Variants in ANKRD31 observed in about 807,000 individuals in gnomAD.
ANKRD31 encodes the protein ankyrin repeat domain 31, also known as ankyrin repeat domain-containing protein 31.
In ANKRD31, 147 loss-of-function variants were observed where a neutral mutation model predicts 186.0. The ratio of observed to expected loss-of-function variants is 0.79; its 90% CI spans 0.69 to 0.91. ANKRD31 has a LOEUF of 0.91. Among genes scored for constraint, ANKRD31 ranks in the 40% least tolerant of loss-of-function variants. The pLI is 0.00. For synonymous variants in ANKRD31, 673 were observed against 736.4 expected (o/e 0.91, Z 1.39); for missense variants, 1,986 against 2,148.8 (o/e 0.92, Z 1.50).
At chr5:75,092,695 G>A (rs1161936569) in intron 22 of ANKRD31, among the ~76,000 whole-genome samples, 1 of 151,938 alleles carries the variant, frequency 6.6e-6, no homozygotes, top group Admixed American at 6.6e-5. Flanking sequence ...AAAGTTATGA[G>A]ACATACAAAG....
At chr5:75,130,081 G>A in intron 17 of ANKRD31, among the ~76,000 whole-genome samples, 1 of 152,082 alleles carries the variant, frequency 6.6e-6, no homozygotes, top group Admixed American at 6.6e-5. Flanking sequence ...CTGATGTTCG[G>A]ACGTGTCCAG....
chr5:75,118,734 A>G (rs1237587483), intron 17 of ANKRD31, among the ~76,000 whole-genome samples: 1 of 152,204 alleles, frequency 6.6e-6, no homozygotes, highest in Non-Finnish European at 1.5e-5. Flanking sequence ...TTTAAATAGC[A>G]AAAGTACCTA....
chr5:75,135,767 TACA>T (rs1447450057), intron 17 of ANKRD31, among the ~76,000 whole-genome samples: 1 of 152,028 alleles, frequency 6.6e-6, no homozygotes, highest in Non-Finnish European at 1.5e-5. Flanking sequence ...CTTCAAACTA[TACA>T]ACAAGGCTAC....
chr5:75,074,107 A>G (rs936563846), intron 25 of ANKRD31, among the ~76,000 whole-genome samples: 1 of 152,176 alleles, frequency 6.6e-6, no homozygotes, highest in African/African-American at 2.4e-5. Context: ...ATAGGACTTT[A>G]GGAAATTACA....
At chr5:75,074,847 T>A (rs1449119434) in intron 25 of ANKRD31, among the ~76,000 whole-genome samples, 3 of 152,230 alleles carry the variant, frequency 2.0e-5, no homozygotes, top group Non-Finnish European at 4.4e-5. Flanking sequence ...ATTATTTGAA[T>A]CATTTCAGGA....
intron 17 of ANKRD31, among the ~76,000 whole-genome samples, chr5:75,121,661 T>C (rs1748803522): frequency 6.6e-6 from 1 of 152,132 alleles, no homozygotes; most frequent in African/African-American, 2.4e-5. Flanking sequence ...AGAGGAATTC[T>C]CAAAACTATA....
At position 75,103,743 on chromosome 5, in the gene ANKRD31, G is replaced by T. The variant is rs117746111; in HGVS notation, c.5331+485C>A. Among the ~76,000 whole-genome samples, 641 of 152,302 alleles carry T rather than the reference G, an allele frequency of 4.2e-3. 32 individuals carry two copies. In the East Asian group the frequency reaches 0.076, roughly 18 times the overall value. Reference sequence around the variant, plus strand: ...AAGCCATTATCTTCAGCAAACTAACGCAAGAACATAAGACCAAACGCTGCA... The same window carrying T: ...AAGCCATTATCTTCAGCAAACTAACTCAAGAACATAAGACCAAACGCTGCA... On this transcript the variant is annotated intron_variant, in intron 22 of 25. Transcript: ENST00000506364.
In ANKRD31 at chr5:75,173,051, G is replaced by C. The variant is rs186710465; in HGVS notation, c.1565-3930C>G. ...AAGCTTATCCACCATGATCAAGTGT[G>C]CTTCATCACTGGGATGCAAAGCTGG... On this transcript the variant is annotated intron_variant, in intron 10 of 25. Transcript: ENST00000506364. Among the ~76,000 whole-genome samples the C allele has an allele frequency of 2.8e-3, 427 of 152,290 alleles. 5 individuals carry two copies. The highest frequency in any genetic ancestry group is 9.5e-3 in the African/African-American group (396 of 41,548).
intron 2 of ANKRD31, among the ~76,000 whole-genome samples, chr5:75,223,222 G>A (rs1234840024): frequency 6.6e-6 from 1 of 151,844 alleles, no homozygotes; most frequent in Non-Finnish European, 1.5e-5. Flanking sequence ...TCATATGTTT[G>A]TGGCATATTA....
intron 12 of ANKRD31, among the ~76,000 whole-genome samples, chr5:75,150,954 T>C (rs1349740318): frequency 6.6e-6 from 1 of 151,994 alleles, no homozygotes; most frequent in African/African-American, 2.4e-5. Context: ...TCACTTCTCA[T>C]GCAATTTGGC....
chr5:75,226,184 A>G (rs1757615995), intron 2 of ANKRD31, among the ~76,000 whole-genome samples: 1 of 152,172 alleles, frequency 6.6e-6, no homozygotes, highest in South Asian at 2.1e-4. Context: ...TTTGATTCCC[A>G]TCTCTGGCTC....
chr5:75,223,459 T>C (rs776121007), intron 2 of ANKRD31, among the ~76,000 whole-genome samples: 5 of 152,152 alleles, frequency 3.3e-5, no homozygotes, highest in Non-Finnish European at 4.4e-5. Context: ...TACTAGTACA[T>C]AGTCCAAAAA....
At chr5:75,183,426 G>A (rs80330979) in intron 10 of ANKRD31, among the ~76,000 whole-genome samples, 2,370 of 152,034 alleles carry the variant, frequency 0.016, 76 homozygotes, top group African/African-American at 0.054. Flanking sequence ...GAGAAATTAG[G>A]CAAAAGAAAA....
Position 75,199,692 on chromosome 5 carries a change from GT to G in ANKRD31, c.404-19del. ...CTCTGGCCCTAGAAAAAAACAATGT[GT>G]TTTCATTCCAGTTTTATGGAAGCAC... On this transcript the variant is annotated intron_variant, in intron 5 of 25. Coordinates refer to ENST00000506364, the MANE Select transcript of ANKRD31 (RefSeq NM_001372053.1). The G allele has an allele frequency of 6.5e-7, 1 of 1,528,046 alleles. No individual in the cohort carries two copies. Among genetic ancestry groups the G allele is most frequent in the Non-Finnish European group, 8.8e-7 (1 of 1,141,958 alleles). 94.7% of individuals were successfully genotyped at this position (1,528,046 alleles called of 1,614,324 possible). A position where few individuals can be genotyped will look rare whatever the true frequency, so the allele number is the denominator to read the frequency against.
At chr5:75,151,803 C>T (rs571526334) in intron 12 of ANKRD31, among the ~76,000 whole-genome samples, 2 of 152,126 alleles carry the variant, frequency 1.3e-5, no homozygotes, top group African/African-American at 4.8e-5. Flanking sequence ...TCCTGTTATC[C>T]TCCTGGACAT....
At chr5:75,179,420 A>G (rs142832068) in intron 10 of ANKRD31, among the ~76,000 whole-genome samples, 5,445 of 152,256 alleles carry the variant, frequency 0.036, 321 homozygotes, top group African/African-American at 0.12. Context: ...AGCCTGGCAG[A>G]GACACAACAA....
chr5:75,141,637 C>T (rs1751054602), intron 15 of ANKRD31, among the ~76,000 whole-genome samples: 1 of 151,436 alleles, frequency 6.6e-6, no homozygotes, highest in South Asian at 2.1e-4. Flanking sequence ...GACTCCGTTT[C>T]AAAAAAAGAA....
At chr5:75,163,071 T>C (rs904475703) in intron 11 of ANKRD31, among the ~76,000 whole-genome samples, 6 of 152,256 alleles carry the variant, frequency 3.9e-5, no homozygotes, top group Admixed American at 1.3e-4. Flanking sequence ...AGTATTACTA[T>C]TAACAATGAA....
chr5:75,130,116 T>C (rs958940867), intron 17 of ANKRD31, among the ~76,000 whole-genome samples: 1 of 152,166 alleles, frequency 6.6e-6, no homozygotes, highest in Non-Finnish European at 1.5e-5. Context: ...GGTGGGTTCT[T>C]GGTCTCACTG....
Sources: gnomAD v4.1 joint callset for allele counts (sites outside exome capture counted in the v4.1 genomes callset) on GRCh38, gnomAD v4.1.1 for gene constraint, MANE v1.5 for transcripts, NCBI Gene and HGNC (gene_info 2026-07-23, HGNC 2026-07-21) for gene names.